The following ZHX2 variants were observed in gnomAD, a reference collection of about 807,000 sequenced individuals.
ZHX2 encodes zinc fingers and homeoboxes protein 2.
In ZHX2, 6 loss-of-function variants were observed where a neutral mutation model predicts 21.9. The ratio of observed to expected loss-of-function variants is 0.27; its 90% confidence interval spans 0.15 to 0.54. The LOEUF (loss-of-function observed/expected upper bound fraction) is 0.54, where lower values mean the gene tolerates loss of function less well. ZHX2 is among the 20% of genes least tolerant of loss of function. The pLI, the probability that ZHX2 is intolerant of heterozygous loss-of-function variation, is 0.95. For missense variants in ZHX2, 908 were observed against 1,090.7 expected (o/e 0.83, Z 2.36); for synonymous variants, 434 against 437.1 (o/e 0.99, Z 0.09).
chr8:122,809,732 C>T (rs968590267), intron 1 of ZHX2, among the ~76,000 whole-genome samples: 22 of 152,106 alleles, frequency 1.4e-4, no homozygotes, highest in African/African-American at 5.1e-4. Context: ...AGCAGGACCT[C>T]GACAGAGGCA....
intron 2 of ZHX2, among the ~76,000 whole-genome samples, chr8:122,911,530 A>T (rs1409567553): frequency 1.3e-5 from 2 of 152,158 alleles, no homozygotes; most frequent in East Asian, 1.9e-4. Context: ...AAGAGCTGCC[A>T]CCAGCCAGAG....
intron 2 of ZHX2, among the ~76,000 whole-genome samples, chr8:122,932,817 A>T (rs1821026997): frequency 6.6e-6 from 1 of 151,982 alleles, no homozygotes; most frequent in African/African-American, 2.4e-5. Context: ...TAGGACCTGG[A>T]TATCTTTGAG....
At chr8:122,816,170 G>A (rs1045078220) in intron 1 of ZHX2, among the ~76,000 whole-genome samples, 5 of 151,782 alleles carry the variant, frequency 3.3e-5, no homozygotes, top group Non-Finnish European at 7.4e-5. Flanking sequence ...CACCAATAAG[G>A]CAAGACCTTC....
At chr8:122,819,815 A>G (rs1818104090) in intron 1 of ZHX2, among the ~76,000 whole-genome samples, 1 of 152,232 alleles carries the variant, frequency 6.6e-6, no homozygotes, top group South Asian at 2.1e-4. Context: ...GGTTACATCC[A>G]AATACCCACA....
intron 1 of ZHX2, among the ~76,000 whole-genome samples, chr8:122,862,321 T>A (rs374988681): frequency 6.6e-6 from 1 of 152,362 alleles, no homozygotes; most frequent in East Asian, 1.9e-4. Context: ...ACTCACCAGG[T>A]CCACAGCCAT....
intron 2 of ZHX2, among the ~76,000 whole-genome samples, chr8:122,898,994 C>T (rs1477258778): frequency 6.6e-6 from 1 of 152,188 alleles, no homozygotes; most frequent in South Asian, 2.1e-4. Flanking sequence ...CCAATACTCA[C>T]TCACTGGAGC....
intron 2 of ZHX2, among the ~76,000 whole-genome samples, chr8:122,909,329 A>G (rs771153094): frequency 7.9e-5 from 12 of 151,922 alleles, no homozygotes; most frequent in Non-Finnish European, 1.3e-4. Context: ...GCTACTAAGG[A>G]GGCTGAGGCA....
chr8:122,934,781 C>T (rs149527241), intron 2 of ZHX2, among the ~76,000 whole-genome samples: 1,840 of 152,226 alleles, frequency 0.012, 35 homozygotes, highest in African/African-American at 0.042. Flanking sequence ...CTCTGCCTCC[C>T]GTGTTCAAGC....
intron 2 of ZHX2, among the ~76,000 whole-genome samples, chr8:122,927,450 G>C (rs1457839098): frequency 6.6e-6 from 1 of 152,108 alleles, no homozygotes; most frequent in African/African-American, 2.4e-5. Flanking sequence ...AGCTAAGATC[G>C]TGCCACTGCA....
intron 1 of ZHX2, among the ~76,000 whole-genome samples, chr8:122,821,175 G>A (rs1282927308): frequency 6.6e-6 from 1 of 152,232 alleles, no homozygotes; most frequent in Non-Finnish European, 1.5e-5. Context: ...GCAGGGACCA[G>A]GAGTCCCTCT....
At chr8:122,946,668 G>A in intron 2 of ZHX2, among the ~76,000 whole-genome samples, 1 of 152,016 alleles carries the variant, frequency 6.6e-6, no homozygotes, top group East Asian at 1.9e-4. Flanking sequence ...TCTTTTTTCT[G>A]CAGGAGGAAA....
chr8:122,885,639 T>G (rs919290807), intron 2 of ZHX2, among the ~76,000 whole-genome samples: 3 of 152,180 alleles, frequency 2.0e-5, no homozygotes, highest in Non-Finnish European at 2.9e-5. Context: ...CATCTTTTTT[T>G]GTCACAATTT....
In ZHX2 at chr8:122,782,117, G is replaced by T. The variant is rs533416287; in HGVS notation, c.-283+171G>T. On this transcript the variant is annotated intron_variant, in intron 1 of 3. Coordinates refer to ENST00000314393, the MANE Select transcript of ZHX2 (RefSeq NM_014943.5). This position sits in a 1 kb window ranked among gnomAD's most constrained non-coding sequence, Gnocchi z 5.3. Reference sequence around the variant, plus strand: ...TGGCCGGGTTTGTGATTGGAAGGGGGGTACGGAAGGGGGGGGGTGTGCAGG... The same window carrying T: ...TGGCCGGGTTTGTGATTGGAAGGGGTGTACGGAAGGGGGGGGGTGTGCAGG... Among the ~76,000 whole-genome samples, 2 of 128,896 alleles carry T rather than the reference G, an allele frequency of 1.6e-5. No homozygotes were observed. The highest frequency in any genetic ancestry group is 6.6e-4 in the South Asian group (2 of 3,008). The allele number at this position is 128,896 out of a possible 152,430, so 84.6% of individuals were successfully genotyped here. A position where few individuals can be genotyped will look rare whatever the true frequency, so the allele number is the denominator to read the frequency against.
intron 3 of ZHX2, among the ~76,000 whole-genome samples, chr8:122,959,525 A>G (rs1014972443): frequency 6.6e-6 from 1 of 152,190 alleles, no homozygotes; most frequent in Non-Finnish European, 1.5e-5. Context: ...CTGAATCCCT[A>G]GTTTAGATTC....
rs941581988 is a variant in ZHX2, at chr8:122,974,110, T to A, written c.*873T>A. ...TATTGTGACATTAAAACAACAACAA[T>A]AAGATCTTCCTATCTGGAGGGTACA... On this transcript the variant is annotated 3_prime_UTR_variant, in exon 4 of 4. Transcript: ENST00000314393. The A allele has an allele frequency of 1.3e-5, 2 of 152,544 alleles. No individual in the cohort carries two copies. Among genetic ancestry groups the A allele is most frequent in the Non-Finnish European group, 2.9e-5 (2 of 68,028 alleles). 9.4% of individuals were successfully genotyped at this position (152,544 alleles called of 1,614,324 possible).
At chr8:122,859,559 G>A (rs2130767122) in intron 1 of ZHX2, among the ~76,000 whole-genome samples, 1 of 152,240 alleles carries the variant, frequency 6.6e-6, no homozygotes, top group African/African-American at 2.4e-5. Context: ...GAAAGGAGAA[G>A]AAGGCAGTGA....
intron 3 of ZHX2, among the ~76,000 whole-genome samples, chr8:122,959,948 G>T (rs1430606063): frequency 6.6e-6 from 1 of 152,158 alleles, no homozygotes; most frequent in Non-Finnish European, 1.5e-5. Context: ...GAAGGATGTA[G>T]GTCCCAGGGA....
intron 1 of ZHX2, among the ~76,000 whole-genome samples, chr8:122,861,864 C>A (rs75903439): frequency 0.019 from 2,857 of 152,314 alleles, 103 homozygotes; most frequent in African/African-American, 0.065. Context: ...GTTCTTCTCG[C>A]AGGTCAGTGC....
At chr8:122,943,018 T>G (rs1812883729) in intron 2 of ZHX2, among the ~76,000 whole-genome samples, 1 of 152,042 alleles carries the variant, frequency 6.6e-6, no homozygotes, top group African/African-American at 2.4e-5. Context: ...TCCCAGCATT[T>G]TGGGAGGCTG....
Sources: allele counts gnomAD v4.1 joint callset (sites outside exome capture counted in the v4.1 genomes callset), GRCh38; gene constraint gnomAD v4.1.1; non-coding constraint Gnocchi (gnomAD v3.1); transcripts MANE v1.5; gene names NCBI Gene and HGNC (gene_info 2026-07-23, HGNC 2026-07-21).